Variants in NTNG1 observed in about 807,000 individuals in gnomAD.
NTNG1 encodes netrin G1, also known as netrin-G1.
In NTNG1, 16 loss-of-function variants were observed where a neutral mutation model predicts 54.0. The observed-to-expected ratio is 0.30, with a 90% confidence interval of 0.20 to 0.45. NTNG1 has a LOEUF of 0.45. Among genes scored for constraint, NTNG1 ranks in the 20% least tolerant of loss-of-function variants. The pLI, the probability that NTNG1 is intolerant of heterozygous loss-of-function variation, is 1.00. For missense variants in NTNG1, 530 were observed against 678.7 expected (o/e 0.78, Z 2.43); for synonymous variants, 255 against 263.1 (o/e 0.97, Z 0.30).
chr1:107,170,550 G>A (rs539815387), intron 2 of NTNG1, among the ~76,000 whole-genome samples: 2 of 152,094 alleles, frequency 1.3e-5, no homozygotes, highest in Non-Finnish European at 2.9e-5. Context: ...TTATTTAAAT[G>A]GCAGATTTAG....
intron 3 of NTNG1, among the ~76,000 whole-genome samples, chr1:107,355,892 C>A (rs1177668406): frequency 2.0e-5 from 3 of 152,106 alleles, no homozygotes; most frequent in African/African-American, 7.2e-5. Context: ...TATTTCTGAC[C>A]TCAGTGGATT....
intron 3 of NTNG1, among the ~76,000 whole-genome samples, chr1:107,364,566 C>T (rs186683050): frequency 2.2e-4 from 34 of 152,294 alleles, no homozygotes; most frequent in South Asian, 2.1e-4. Flanking sequence ...CAACCATTTA[C>T]GACGTGCTCA....
At chr1:107,312,751 T>C (rs1321005421) in intron 2 of NTNG1, among the ~76,000 whole-genome samples, 1 of 152,150 alleles carries the variant, frequency 6.6e-6, no homozygotes, top group Non-Finnish European at 1.5e-5. Context: ...CACCTTAATC[T>C]TTACATACCA....
chr1:107,261,542 C>T (rs1203087309), intron 2 of NTNG1, among the ~76,000 whole-genome samples: 3 of 152,028 alleles, frequency 2.0e-5, no homozygotes, highest in Non-Finnish European at 2.9e-5. Flanking sequence ...GATAAATTTG[C>T]TATTTAAAAA....
intron 7 of NTNG1, among the ~76,000 whole-genome samples, chr1:107,472,958 A>T (rs1479573167): frequency 6.6e-6 from 1 of 152,174 alleles, no homozygotes; most frequent in African/African-American, 2.4e-5. Context: ...TCCCTGCCAC[A>T]CAGTCTCGAA....
intron 2 of NTNG1, among the ~76,000 whole-genome samples, chr1:107,193,066 T>C (rs756974079): frequency 3.3e-5 from 5 of 152,082 alleles, no homozygotes; most frequent in Non-Finnish European, 4.4e-5. Context: ...CTTGAACATA[T>C]ACTAATTGTT....
intron 2 of NTNG1, among the ~76,000 whole-genome samples, chr1:107,154,959 A>G (rs1654874507): frequency 6.6e-6 from 1 of 152,100 alleles, no homozygotes; most frequent in African/African-American, 2.4e-5. Context: ...TGAGACCTCA[A>G]AATAATGAAT....
chr1:107,191,187 G>A (rs1318954305), intron 2 of NTNG1, among the ~76,000 whole-genome samples: 2 of 152,156 alleles, frequency 1.3e-5, no homozygotes, highest in Non-Finnish European at 2.9e-5. Flanking sequence ...GTGATGATGA[G>A]CATTTTTTCA....
At chr1:107,438,417 T>A (rs1558000247) in intron 7 of NTNG1, among the ~76,000 whole-genome samples, 1 of 152,188 alleles carries the variant, frequency 6.6e-6, no homozygotes, top group East Asian at 1.9e-4. Context: ...TAGTCCTTAG[T>A]GCCTGGGAGA....
At chr1:107,322,353 G>A (rs1163256894) in intron 2 of NTNG1, among the ~76,000 whole-genome samples, 3 of 152,086 alleles carry the variant, frequency 2.0e-5, no homozygotes, top group Non-Finnish European at 2.9e-5. Flanking sequence ...TCAGGAGGAA[G>A]ATGGCAGCAT....
At chr1:107,251,386 A>G (rs1662595948) in intron 2 of NTNG1, among the ~76,000 whole-genome samples, 2 of 152,076 alleles carry the variant, frequency 1.3e-5, no homozygotes, top group South Asian at 4.1e-4. Flanking sequence ...TTCCAGCCAA[A>G]CCATTCCCCT....
chr1:107,461,552 T>C (rs1204413730), intron 7 of NTNG1, among the ~76,000 whole-genome samples: 1 of 147,706 alleles, frequency 6.8e-6, no homozygotes, highest in Non-Finnish European at 1.5e-5. Flanking sequence ...CTTTTTTTTT[T>C]CTTTTGAGAC....
At chr1:107,172,560 A>G (rs1656329794) in intron 2 of NTNG1, among the ~76,000 whole-genome samples, 1 of 152,178 alleles carries the variant, frequency 6.6e-6, no homozygotes, top group Non-Finnish European at 1.5e-5. Context: ...GTGTGAAGTT[A>G]AGTTGCAGAG....
At position 107,376,412 on chromosome 1, in the gene NTNG1, C is replaced by CAA. The variant is rs11448812; in HGVS notation, c.888-18739_888-18738dup. On this transcript the variant is annotated intron_variant, in intron 3 of 7. Coordinates refer to ENST00000370068, the MANE Select transcript of NTNG1 (RefSeq NM_001113226.3). ...GACAGAGTGAGACTCCGTCTCAAAA[C>CAA]AAAACAAAAAAAAAAACAAAAAAAA... Among the ~76,000 whole-genome samples, 9 of 148,958 alleles carry CAA rather than the reference C, an allele frequency of 6.0e-5. No homozygotes were observed. In the East Asian group the frequency reaches 7.9e-4, roughly 13 times the overall value.
At chr1:107,156,106 C>A (rs144193721) in intron 2 of NTNG1, among the ~76,000 whole-genome samples, 3 of 152,274 alleles carry the variant, frequency 2.0e-5, no homozygotes, top group African/African-American at 7.2e-5. Flanking sequence ...CAAAATGTAT[C>A]CCTGTCGTAA....
intron 2 of NTNG1, among the ~76,000 whole-genome samples, chr1:107,315,682 C>T (rs1401766447): frequency 6.6e-6 from 1 of 152,138 alleles, no homozygotes; most frequent in East Asian, 1.9e-4. Flanking sequence ...TTCTGGGTCT[C>T]AACTTATTTT....
At chr1:107,193,856 T>C (rs1658133351) in intron 2 of NTNG1, among the ~76,000 whole-genome samples, 1 of 151,766 alleles carries the variant, frequency 6.6e-6, no homozygotes, top group African/African-American at 2.4e-5. Flanking sequence ...CCTTCCTTCT[T>C]CCTTTTGAGT....
At chr1:107,185,368 C>T (rs1483719809) in intron 2 of NTNG1, among the ~76,000 whole-genome samples, 1 of 152,084 alleles carries the variant, frequency 6.6e-6, no homozygotes, top group Admixed American at 6.6e-5. Context: ...GCTGGCGACC[C>T]CTGGCCTTCC....
At chr1:107,203,359 C>A (rs1658909156) in intron 2 of NTNG1, among the ~76,000 whole-genome samples, 1 of 151,376 alleles carries the variant, frequency 6.6e-6, no homozygotes, top group Admixed American at 6.6e-5. Context: ...GATAGTATAC[C>A]TTGAGATAGA....
Sources: allele counts gnomAD v4.1 joint callset (sites outside exome capture counted in the v4.1 genomes callset), GRCh38; gene constraint gnomAD v4.1.1; transcripts MANE v1.5; gene names NCBI Gene and HGNC (gene_info 2026-07-23, HGNC 2026-07-21).